The following MSN variants were observed in gnomAD, a reference collection of about 807,000 sequenced individuals.
MSN encodes the protein epididymis luminal protein 70.
In MSN, 2 loss-of-function variants were observed where a neutral mutation model predicts 48.0. That is an observed-to-expected ratio of 0.04 (90% confidence interval 0.02 to 0.13). The LOEUF is 0.13. MSN is among the 10% of genes least tolerant of loss of function. The pLI is 1.00. For missense variants in MSN, 267 were observed against 470.1 expected (o/e 0.57, Z 3.99); for synonymous variants, 146 against 166.9 (o/e 0.87, Z 0.97).
At chrX:65,659,406 G>A (rs1483125849) in intron 1 of MSN, among the ~76,000 whole-genome samples, 1 of 111,155 alleles carries the variant, frequency 9.0e-6, no homozygotes, top group Non-Finnish European at 1.9e-5. Context: ...CACCAGCCTC[G>A]GCCTCCCAAA....
Position 65,739,944 on chromosome X carries a change from C to T in MSN, c.*51C>T. The T allele has an allele frequency of 1.8e-6, 2 of 1,138,135 alleles. No individual in the cohort carries two copies. The highest frequency in any genetic ancestry group is 2.4e-6 in the Non-Finnish European group (2 of 842,889). The allele number at this position is 1,138,135 out of a possible 1,213,427, so 93.8% of individuals were successfully genotyped here. A position where few individuals can be genotyped will look rare whatever the true frequency, so the allele number is the denominator to read the frequency against. ...TCCTCCCTTTTTCCTTGTCCCCACA[C>T]TCCTACACCTAACTCACCTAACTCA... On this transcript the variant is annotated 3_prime_UTR_variant, in exon 13 of 13. Coordinates refer to ENST00000360270, the MANE Select transcript of MSN (RefSeq NM_002444.3).
chrX:65,590,390 C>A (rs1398491823), intron 1 of MSN, among the ~76,000 whole-genome samples: 2 of 111,269 alleles, frequency 1.8e-5, no homozygotes, highest in African/African-American at 6.5e-5. Flanking sequence ...CCAGGGACTG[C>A]AAAATACTTG....
intron 2 of MSN, among the ~76,000 whole-genome samples, chrX:65,718,059 A>G (rs1046723829): frequency 9.0e-6 from 1 of 111,184 alleles, no homozygotes; most frequent in Non-Finnish European, 1.9e-5. Flanking sequence ...GAGTGGGAAA[A>G]TTATTGTCTG....
In MSN at chrX:65,678,030, T is replaced by G. The variant is rs533093691; in HGVS notation, c.12+10177T>G. On this transcript the variant is annotated intron_variant, in intron 1 of 12. Transcript: ENST00000360270. ...ATTTTCCTAAGGTTGGGAGTTTTTT[T>G]CCTTCTGGTCTTAGGCCAGTTGCCA... is the stretch of plus-strand genomic sequence containing the variant. Among the ~76,000 whole-genome samples, 115 of 111,500 alleles carry G rather than the reference T, an allele frequency of 1.0e-3. 1 individual carries two copies. Among genetic ancestry groups the G allele is most frequent in the Admixed American group, 9.2e-3 (97 of 10,507 alleles).
intron 1 of MSN, among the ~76,000 whole-genome samples, chrX:65,713,379 C>T (rs2071432334): frequency 9.0e-6 from 1 of 111,161 alleles, no homozygotes. Context: ...CCTCTTGAGC[C>T]TAAGGAAGCC....
chrX:65,715,012 G>A (rs891251130), intron 1 of MSN, among the ~76,000 whole-genome samples: 3 of 111,817 alleles, frequency 2.7e-5, no homozygotes, highest in Admixed American at 9.5e-5. Flanking sequence ...GATAAGGATG[G>A]GGTCCAGTTT....
intron 1 of MSN, among the ~76,000 whole-genome samples, chrX:65,674,059 G>T (rs2070971436): frequency 9.0e-6 from 1 of 110,834 alleles, no homozygotes; most frequent in Non-Finnish European, 1.9e-5. Flanking sequence ...TTTGGAAATG[G>T]CTCAGGCTCT....
At chrX:65,646,845 G>A (rs1315590119) in intron 1 of MSN, among the ~76,000 whole-genome samples, 1 of 111,330 alleles carries the variant, frequency 9.0e-6, no homozygotes, top group African/African-American at 3.3e-5. Flanking sequence ...TACTCGAGAG[G>A]CTGAGGCAGG....
In MSN at chrX:65,613,716, G is replaced by A. The variant is rs781159210; in HGVS notation, c.-22+25104G>A. Among the ~76,000 whole-genome samples the A allele has an allele frequency of 8.9e-5, 10 of 112,043 alleles. No individual in the cohort carries two copies. The East Asian group carries it at 2.8e-3, about 31-fold the overall frequency. ...TGTCCTCTGCTCACTTTTTGATGGG[G>A]TTGTTTGATTTTTCTTATAAATCTG... On this transcript the variant is annotated intron_variant, in intron 1 of 3. Coordinates refer to the MSN transcript ENST00000609672.
At chrX:65,636,353 ACT>A (rs2070598823) in intron 1 of MSN, among the ~76,000 whole-genome samples, 1 of 110,414 alleles carries the variant, frequency 9.1e-6, no homozygotes, top group African/African-American at 3.3e-5. Flanking sequence ...AACCTTCCAA[ACT>A]CTCTACCACT....
At chrX:65,712,004 C>T (rs1019066705) in intron 1 of MSN, among the ~76,000 whole-genome samples, 4 of 111,473 alleles carry the variant, frequency 3.6e-5, no homozygotes, top group Non-Finnish European at 5.7e-5. Context: ...CTATTCTCTC[C>T]TGTCCCTTCA....
intron 1 of MSN, among the ~76,000 whole-genome samples, chrX:65,591,988 C>G (rs1319839103): frequency 9.1e-6 from 1 of 109,539 alleles, no homozygotes; most frequent in African/African-American, 3.3e-5. Flanking sequence ...TACCTGACAG[C>G]AACGGGTTAT....
intron 1 of MSN, among the ~76,000 whole-genome samples, chrX:65,684,852 T>C (rs766445604): frequency 8.9e-6 from 1 of 112,643 alleles, no homozygotes; most frequent in African/African-American, 3.2e-5. Context: ...AGTCCTCCTG[T>C]CTCAGCCCCC....
At chrX:65,702,007 CT>C (rs370395222) in intron 1 of MSN, among the ~76,000 whole-genome samples, 388 of 93,667 alleles carry the variant, frequency 4.1e-3, no homozygotes, top group African/African-American at 7.8e-3. Flanking sequence ...ATTCAATTGG[CT>C]TTTTTTTTTT....
At chrX:65,610,921 G>A (rs962764401) in intron 1 of MSN, among the ~76,000 whole-genome samples, 3 of 111,764 alleles carry the variant, frequency 2.7e-5, no homozygotes, top group Admixed American at 9.6e-5. Flanking sequence ...ACAATTTGTA[G>A]ATTTACAATT....
chrX:65,697,554 G>A (rs757773171), intron 1 of MSN, among the ~76,000 whole-genome samples: 3 of 111,450 alleles, frequency 2.7e-5, no homozygotes, highest in Non-Finnish European at 3.8e-5. Context: ...CCTTCCTATG[G>A]CCTGAGATCA....
At chrX:65,591,970 T>C (rs1262491859) in intron 1 of MSN, among the ~76,000 whole-genome samples, 2 of 109,886 alleles carry the variant, frequency 1.8e-5, no homozygotes, top group African/African-American at 6.6e-5. Flanking sequence ...TAGTTAATTG[T>C]CTGTGAGTAC....
At chrX:65,641,298 G>A (rs1353452409) in intron 1 of MSN, among the ~76,000 whole-genome samples, 2 of 107,230 alleles carry the variant, frequency 1.9e-5, no homozygotes, top group African/African-American at 6.8e-5. Context: ...GGGAGGCCAA[G>A]GCAGGCAGAT....
chrX:65,658,842 T>G (rs1332912819), intron 1 of MSN, among the ~76,000 whole-genome samples: 1 of 111,329 alleles, frequency 9.0e-6, no homozygotes, highest in Non-Finnish European at 1.9e-5. Context: ...TTTTTCTTTT[T>G]CTTTTCTTTC....
Sources: allele counts gnomAD v4.1 joint callset (sites outside exome capture counted in the v4.1 genomes callset), GRCh38; gene constraint gnomAD v4.1.1; transcripts MANE v1.5; gene names NCBI Gene and HGNC (gene_info 2026-07-23, HGNC 2026-07-21).